CSMD3: variants seen among roughly 807,000 people sequenced by gnomAD.
CSMD3 encodes the protein CUB and sushi domain-containing protein 3.
A neutral mutation model predicts 435.2 loss-of-function variants in CSMD3; 177 were observed. That is an observed-to-expected ratio of 0.41 (90% CI 0.36 to 0.46). The LOEUF is 0.46. Among genes scored for constraint, CSMD3 ranks in the 20% least tolerant of loss-of-function variants. The pLI, the probability that CSMD3 is intolerant of heterozygous loss-of-function variation, is 0.34. For missense variants in CSMD3, 4,265 were observed against 4,504.6 expected (o/e 0.95, Z 1.52); for synonymous variants, 1,656 against 1,520.5 (o/e 1.09, Z -2.07).
At chr8:113,097,461 T>TG (rs2131540851) in intron 5 of CSMD3, among the ~76,000 whole-genome samples, 1 of 152,144 alleles carries the variant, frequency 6.6e-6, no homozygotes, top group Non-Finnish European at 1.5e-5. Flanking sequence ...TTCTTTTCTG[T>TG]ATCATCCTTC....
intron 22 of CSMD3, among the ~76,000 whole-genome samples, chr8:112,626,072 C>A (rs538035660): frequency 2.4e-4 from 37 of 151,932 alleles, no homozygotes; most frequent in Admixed American, 2.2e-3. Context: ...AGTGAAGGAG[C>A]TGGATTTGAG....
chr8:113,205,744 A>C (rs2092763763), intron 3 of CSMD3, among the ~76,000 whole-genome samples: 1 of 152,208 alleles, frequency 6.6e-6, no homozygotes, highest in African/African-American at 2.4e-5. Flanking sequence ...CCCTCCTGTA[A>C]GGAAACACAG....
chr8:112,797,466 A>G (rs1445741699), intron 13 of CSMD3, among the ~76,000 whole-genome samples: 1 of 151,930 alleles, frequency 6.6e-6, no homozygotes, highest in Non-Finnish European at 1.5e-5. Flanking sequence ...TATATCACAA[A>G]AAACAAGGAC....
chr8:112,978,043 T>C (rs2084918294), intron 6 of CSMD3, among the ~76,000 whole-genome samples: 1 of 152,186 alleles, frequency 6.6e-6, no homozygotes, highest in South Asian at 2.1e-4. Context: ...ATCCATATTG[T>C]CCTCCTAGAG....
intron 31 of CSMD3, among the ~76,000 whole-genome samples, chr8:112,487,394 G>A (rs2130826111): frequency 6.6e-6 from 1 of 152,244 alleles, no homozygotes; most frequent in African/African-American, 2.4e-5. Flanking sequence ...CAAAAGATGT[G>A]GGGCAGAAGT....
intron 66 of CSMD3, among the ~76,000 whole-genome samples, chr8:112,238,939 T>C (rs1013441785): frequency 6.6e-6 from 1 of 152,022 alleles, no homozygotes; most frequent in African/African-American, 2.4e-5. Flanking sequence ...AGTTCTATAT[T>C]TGAGTCCTTG....
chr8:112,497,218 G>A (rs1020864312), intron 30 of CSMD3, among the ~76,000 whole-genome samples: 6 of 152,234 alleles, frequency 3.9e-5, no homozygotes, highest in Admixed American at 3.9e-4. Context: ...GCTGGGAAGA[G>A]TAAGGGGTGG....
rs560042567 is a variant in CSMD3, at chr8:112,968,636, C to A, written c.1342+7201G>T. Among the ~76,000 whole-genome samples the A allele has an allele frequency of 5.9e-5, 9 of 152,106 alleles. No homozygotes were observed. In the South Asian group the frequency reaches 1.9e-3, roughly 32 times the overall value. On this transcript the variant is annotated intron_variant, in intron 7 of 70. Transcript: ENST00000297405. ...GACAGTTTTACCTCATCCTTCCTCA[C>A]ATGCCATACCCATTCTGTGGTAATT...
At chr8:112,499,454 T>C (rs993645435) in intron 30 of CSMD3, among the ~76,000 whole-genome samples, 2 of 152,060 alleles carry the variant, frequency 1.3e-5, no homozygotes, top group Non-Finnish European at 2.9e-5. Flanking sequence ...AGGGAGTTTA[T>C]TGGATGTATA....
rs538973875 is a variant in CSMD3, at chr8:113,204,170, C to T, written c.515-30254G>A. On this transcript the variant is annotated intron_variant, in intron 3 of 70. Coordinates refer to ENST00000297405, the MANE Select transcript of CSMD3 (RefSeq NM_198123.2). The stretch of plus-strand genomic sequence containing the variant: ...CTTTCCAAAATTTTTAACTCTGCCC[C>T]AAGCTTTTCCAGTTTATCTTAAATT... Among the ~76,000 whole-genome samples the T allele has an allele frequency of 2.6e-5, 4 of 152,170 alleles. No homozygotes were observed. In the South Asian group the frequency reaches 8.3e-4, roughly 32 times the overall value.
At chr8:112,890,391 T>G (rs554977100) in intron 10 of CSMD3, among the ~76,000 whole-genome samples, 2 of 151,814 alleles carry the variant, frequency 1.3e-5, no homozygotes, top group African/African-American at 4.8e-5. Flanking sequence ...GTAACATTAC[T>G]TTTTTTCTTA....
At chr8:113,077,356 AAAATT>A (rs1180035539) in intron 5 of CSMD3, among the ~76,000 whole-genome samples, 2 of 152,116 alleles carry the variant, frequency 1.3e-5, no homozygotes, top group African/African-American at 2.4e-5. Flanking sequence ...AAAAAAAAAT[AAAATT>A]AAAGTTTAAA....
At chr8:113,272,669 G>A (rs1177542587) in intron 3 of CSMD3, among the ~76,000 whole-genome samples, 1 of 152,162 alleles carries the variant, frequency 6.6e-6, no homozygotes, top group Non-Finnish European at 1.5e-5. Flanking sequence ...TATTGGGTAT[G>A]TCTTTATCAG....
At chr8:113,371,840 A>G (rs1326243212) in intron 1 of CSMD3, among the ~76,000 whole-genome samples, 1 of 152,204 alleles carries the variant, frequency 6.6e-6, no homozygotes, top group Non-Finnish European at 1.5e-5. Context: ...TTGAGTGAAT[A>G]GTGGTTTTTA....
chr8:112,381,864 G>T (rs1829488008), intron 37 of CSMD3, among the ~76,000 whole-genome samples: 1 of 152,158 alleles, frequency 6.6e-6, no homozygotes, highest in Non-Finnish European at 1.5e-5. Context: ...TACCAGGTCT[G>T]CTAGAAAGAT....
Position 112,601,853 on chromosome 8 carries a change from C to T in CSMD3, c.3716-14618G>A, listed in dbSNP as rs187286245. Among the ~76,000 whole-genome samples, 262 of 152,220 alleles carry T rather than the reference C, an allele frequency of 1.7e-3. 3 individuals are homozygous for T. The highest frequency in any genetic ancestry group is 6.1e-3 in the African/African-American group (252 of 41,512). On this transcript the variant is annotated intron_variant, in intron 22 of 70. Coordinates refer to ENST00000297405, the MANE Select transcript of CSMD3 (RefSeq NM_198123.2). Reference sequence around the variant, plus strand: ...TGGCACCATGGAAATATGCTCTCTACGATGAGTTAATTAAATACTTAAAAT... The same window carrying T: ...TGGCACCATGGAAATATGCTCTCTATGATGAGTTAATTAAATACTTAAAAT...
At chr8:112,503,701 C>T in intron 30 of CSMD3, 89 bp downstream of exon 30, 1 of 854,438 alleles carries the variant, frequency 1.2e-6, no homozygotes, top group South Asian at 1.6e-5. Flanking sequence ...ATAAAACTAA[C>T]CACTAACAAT....
intron 23 of CSMD3, among the ~76,000 whole-genome samples, chr8:112,575,804 G>A (rs994236309): frequency 3.3e-5 from 5 of 152,072 alleles, no homozygotes; most frequent in Admixed American, 2.0e-4. Flanking sequence ...TTGTATGTCT[G>A]TGAGTCTGAA....
At chr8:112,552,292 C>A (rs1191615548) in intron 26 of CSMD3, among the ~76,000 whole-genome samples, 1 of 151,840 alleles carries the variant, frequency 6.6e-6, no homozygotes, top group Admixed American at 6.6e-5. Flanking sequence ...TTGAGACCAG[C>A]CTGGTCAATA....
Sources: allele counts gnomAD v4.1 joint callset (sites outside exome capture counted in the v4.1 genomes callset), GRCh38; gene constraint gnomAD v4.1.1; transcripts MANE v1.5; gene names NCBI Gene and HGNC (gene_info 2026-07-23, HGNC 2026-07-21).